The following ESYT2 variants were observed in gnomAD, a reference collection of about 807,000 sequenced individuals.
ESYT2 encodes extended synaptotagmin 2.
A neutral mutation model predicts 107.2 loss-of-function variants in ESYT2; 54 were observed. That is an observed-to-expected ratio of 0.50 (90% CI 0.40 to 0.63). The LOEUF is 0.63. ESYT2 is among the 30% of genes least tolerant of loss of function. The probability of loss-of-function intolerance (pLI) is 0.00; values close to 1 mark genes in which losing one functional copy is unlikely to be tolerated. For missense variants in ESYT2, 1,020 were observed against 1,094.5 expected, an observed-to-expected ratio of 0.93 and a Z score of 0.96; for synonymous variants, 491 against 434.1, an observed-to-expected ratio of 1.13 and a Z score of -1.63.
At chr7:158,743,127 T>C (rs563027717) in intron 17 of ESYT2, among the ~76,000 whole-genome samples, 1 of 152,370 alleles carries the variant, frequency 6.6e-6, no homozygotes, top group Non-Finnish European at 1.5e-5. Flanking sequence ...TAAGTTCTAC[T>C]GTCTCGTGGA....
rs781200960 is a variant in ESYT2, at chr7:158,737,197, A to G, written c.2268-18T>C. 27 of 1,612,554 alleles carry G rather than the reference A, an allele frequency of 1.7e-5. No individual in the cohort carries two copies. The highest frequency in any genetic ancestry group is 1.7e-4 in the Middle Eastern group (1 of 6,048). On this transcript the variant is annotated intron_variant, in intron 19 of 22. Coordinates refer to ENST00000275418, the MANE Select transcript of ESYT2 (RefSeq NM_001367773.1). ...TGAGGTTTCTTACAACACAAACCAG[A>G]TAAGACGAGGTATTAGGACCGAGAA... is the stretch of plus-strand genomic sequence containing the variant.
At chr7:158,787,729 G>T (rs955364616) in intron 6 of ESYT2, among the ~76,000 whole-genome samples, 1 of 152,186 alleles carries the variant, frequency 6.6e-6, no homozygotes, top group Non-Finnish European at 1.5e-5. Flanking sequence ...CAGTGAGGTG[G>T]TGAATAAAAT....
chr7:158,738,875 G>A, intron 19 of ESYT2, 148 bp downstream of exon 19: 1 of 780,800 alleles, frequency 1.3e-6, no homozygotes, highest in Non-Finnish European at 2.0e-6. Flanking sequence ...CCCTTTACGA[G>A]CACCGTCTCT....
At chr7:158,785,141 G>A (rs1839064079) in intron 6 of ESYT2, among the ~76,000 whole-genome samples, 3 of 152,134 alleles carry the variant, frequency 2.0e-5, no homozygotes, top group African/African-American at 7.2e-5. Flanking sequence ...CACCTCTAGT[G>A]GCCGGGCACG....
At position 158,743,669 on chromosome 7, in the gene ESYT2, C is replaced by T. The variant is rs765594622; in HGVS notation, c.1654G>A (p.Glu552Lys). 20 of 1,608,284 alleles carry T rather than the reference C, an allele frequency of 1.2e-5. No individual in the cohort carries two copies. Among genetic ancestry groups the T allele is most frequent in the South Asian group, 5.5e-5 (5 of 90,394 alleles). Reference protein sequence around the residue: ...RQDLEVEVRDEQHQCSLGNLK... With the variant: ...RQDLEVEVRDKQHQCSLGNLK... ...TTCCCCAGGGAACACTGGTGCTGCTCGTCTCTGACCTGCAAAACACAGGGT... is the reference window on the plus strand; with the variant it reads ...TTCCCCAGGGAACACTGGTGCTGCTTGTCTCTGACCTGCAAAACACAGGGT... Residue 552 changes from glutamate (E) to lysine (K), a missense_variant, in exon 17 of 23, where the codon GAG (glutamate) becomes AAG (lysine). Coordinates refer to ENST00000275418, the MANE Select transcript of ESYT2 (RefSeq NM_001367773.1).
At chr7:158,788,705 T>C (rs763601893) in intron 4 of ESYT2, among the ~76,000 whole-genome samples, 1 of 152,222 alleles carries the variant, frequency 6.6e-6, no homozygotes, top group Non-Finnish European at 1.5e-5. Context: ...TAACTAAATA[T>C]AAATGTCCAT....
At chr7:158,809,068 C>T (rs1839914757) in intron 1 of ESYT2, among the ~76,000 whole-genome samples, 1 of 152,156 alleles carries the variant, frequency 6.6e-6, no homozygotes, top group Admixed American at 6.5e-5. Context: ...TGATTGACAG[C>T]AACTGGGTTT....
intron 3 of ESYT2, among the ~76,000 whole-genome samples, chr7:158,794,602 G>A (rs906102173): frequency 6.6e-6 from 1 of 152,068 alleles, no homozygotes; most frequent in African/African-American, 2.4e-5. Context: ...ACCAGCCTGA[G>A]TGGAGACCCC....
At chr7:158,791,826 C>T (rs1261116333) in intron 4 of ESYT2, among the ~76,000 whole-genome samples, 1 of 152,160 alleles carries the variant, frequency 6.6e-6, no homozygotes, top group Non-Finnish European at 1.5e-5. Flanking sequence ...ATGATGACTG[C>T]TTATCGGATT....
chr7:158,749,761 A>T, intron 14 of ESYT2, 38 bp from the exon 15 acceptor site: 1 of 1,592,160 alleles, frequency 6.3e-7, no homozygotes, highest in Non-Finnish European at 8.6e-7. Context: ...AAATAAATAA[A>T]CACATTTTAA....
intron 11 of ESYT2, 126 bp from the exon 12 acceptor site, chr7:158,760,273 C>T (rs775527143): frequency 2.4e-5 from 19 of 792,214 alleles, no homozygotes; most frequent in Non-Finnish European, 3.7e-5. Context: ...CTCAGTAACG[C>T]GAAGGCTGAG....
intron 1 of ESYT2, among the ~76,000 whole-genome samples, chr7:158,800,653 GT>G (rs1484438662): frequency 1.3e-5 from 2 of 151,152 alleles, no homozygotes; most frequent in African/African-American, 4.9e-5. Context: ...GCCTCCCCCT[GT>G]GTTGGAATTA....
intron 1 of ESYT2, among the ~76,000 whole-genome samples, chr7:158,814,250 G>A (rs1262489498): frequency 6.9e-6 from 1 of 144,084 alleles, no homozygotes; most frequent in Non-Finnish European, 1.5e-5. Context: ...CTCCAGCCTG[G>A]GCGACAGAGC....
chr7:158,773,167 C>A (rs1009269991), intron 7 of ESYT2, among the ~76,000 whole-genome samples, 174 bp downstream of exon 7: 1 of 152,228 alleles, frequency 6.6e-6, no homozygotes, highest in South Asian at 2.1e-4. Flanking sequence ...CAGCTCCCGG[C>A]AGGCAGAACA....
At chr7:158,785,359 A>T (rs1248371401) in intron 6 of ESYT2, among the ~76,000 whole-genome samples, 1 of 151,992 alleles carries the variant, frequency 6.6e-6, no homozygotes, top group African/African-American at 2.4e-5. Flanking sequence ...CAGGAGGTGG[A>T]GGTTGCGGTG....
chr7:158,779,237 G>C (rs1838684899), intron 6 of ESYT2, among the ~76,000 whole-genome samples: 1 of 152,208 alleles, frequency 6.6e-6, no homozygotes, highest in African/African-American at 2.4e-5. Flanking sequence ...GGTTATTGGA[G>C]TAAGCTCAAA....
At chr7:158,787,901 G>T in intron 6 of ESYT2, 103 bp downstream of exon 6, 3 of 864,982 alleles carry the variant, frequency 3.5e-6, no homozygotes, top group East Asian at 2.4e-5. Flanking sequence ...AAGGGACAAC[G>T]GTGAGTTGAT....
At chr7:158,800,091 C>T (rs1042876983) in intron 1 of ESYT2, among the ~76,000 whole-genome samples, 5 of 151,276 alleles carry the variant, frequency 3.3e-5, no homozygotes, top group African/African-American at 4.9e-5. Flanking sequence ...TCACTGTCAC[C>T]AGGCTGGAGT....
chr7:158,749,302 A>G (rs1837509805), intron 15 of ESYT2, among the ~76,000 whole-genome samples: 1 of 152,094 alleles, frequency 6.6e-6, no homozygotes, highest in South Asian at 2.1e-4. Context: ...TATTTTTAGT[A>G]GAGATGAGGT....
Sources: allele counts gnomAD v4.1 joint callset (sites outside exome capture counted in the v4.1 genomes callset), GRCh38; gene constraint gnomAD v4.1.1; transcripts MANE v1.5; gene names NCBI Gene and HGNC (gene_info 2026-07-23, HGNC 2026-07-21).